Variants in DTNA observed in about 807,000 individuals in gnomAD.
DTNA encodes the protein dystrophin-related protein 3.
DTNA carries 43 observed loss-of-function variants against 100.7 expected under a neutral mutation model. That is an observed-to-expected ratio of 0.43 (90% CI 0.33 to 0.55). The LOEUF (loss-of-function observed/expected upper bound fraction) is 0.55. Among genes scored for constraint, DTNA ranks in the 20% least tolerant of loss-of-function variants. The pLI is 0.04. For missense variants in DTNA, 798 were observed against 953.9 expected, an observed-to-expected ratio of 0.84 and a Z score of 2.15; for synonymous variants, 349 against 347.9, an observed-to-expected ratio of 1.00 and a Z score of -0.04.
At chr18:34,732,557 T>A (rs1168812631) in intron 1 of DTNA, among the ~76,000 whole-genome samples, 1 of 152,196 alleles carries the variant, frequency 6.6e-6, no homozygotes, top group Non-Finnish European at 1.5e-5. Flanking sequence ...TGAGAGCACC[T>A]CCCTGCTTAC....
At chr18:34,756,763 CATTTTTCTTATTCATA>C (rs147976342) in intron 2 of DTNA, among the ~76,000 whole-genome samples, 1,929 of 152,184 alleles carry the variant, frequency 0.013, 47 homozygotes, top group African/African-American at 0.044. Context: ...CCTTGTAGAC[CATTTTTCTTATTCATA>C]AAGAAAAAGA....
intron 1 of DTNA, among the ~76,000 whole-genome samples, chr18:34,575,026 A>G (rs574952293): frequency 6.6e-5 from 10 of 152,336 alleles, no homozygotes; most frequent in Non-Finnish European, 1.3e-4. Flanking sequence ...TAGTACAACA[A>G]CGTAGAAATA....
At chr18:34,599,379 C>A (rs147315518) in intron 1 of DTNA, among the ~76,000 whole-genome samples, 1 of 152,132 alleles carries the variant, frequency 6.6e-6, no homozygotes, top group East Asian at 1.9e-4. Context: ...GATTTCTAAT[C>A]ATAACTTCCA....
At chr18:34,626,960 A>T (rs748394511) in intron 1 of DTNA, among the ~76,000 whole-genome samples, 1 of 151,982 alleles carries the variant, frequency 6.6e-6, no homozygotes, top group Non-Finnish European at 1.5e-5. Flanking sequence ...ATGTGGACTC[A>T]CATGCTCCTG....
At chr18:34,818,666 C>T (rs2095645507) in intron 8 of DTNA, 1 of 1,130,858 alleles carries the variant, frequency 8.8e-7, no homozygotes, top group Non-Finnish European at 1.1e-6. Flanking sequence ...AAATCTTTTC[C>T]AAGTTTTGTT....
At position 34,595,714 on chromosome 18, in the gene DTNA, A is replaced by G. The variant is rs543475399; in HGVS notation, c.-2+102200A>G. On this transcript the variant is annotated intron_variant, in intron 1 of 19. Transcript: ENST00000283365. ...ATCTTTGACTCTATGCTGGAAATGT[A>G]TTTTTAAAATTACATTATAATTAAA... is the stretch of plus-strand genomic sequence containing the variant. Among the ~76,000 whole-genome samples, 7 of 152,310 alleles carry G rather than the reference A, an allele frequency of 4.6e-5. No homozygotes were observed. The East Asian group carries it at 7.7e-4, about 17-fold the overall frequency.
At chr18:34,539,827 A>T (rs2044077254) in intron 1 of DTNA, among the ~76,000 whole-genome samples, 1 of 151,966 alleles carries the variant, frequency 6.6e-6, no homozygotes, top group African/African-American at 2.4e-5. Flanking sequence ...GTTGCAATAT[A>T]TAAGCACTAG....
intron 1 of DTNA, among the ~76,000 whole-genome samples, chr18:34,520,623 C>T (rs1273422887): frequency 6.6e-6 from 1 of 152,082 alleles, no homozygotes; most frequent in Non-Finnish European, 1.5e-5. Flanking sequence ...CATTGCACTC[C>T]AGCCTGGGCA....
chr18:34,667,070 C>G (rs2144815079), intron 1 of DTNA, among the ~76,000 whole-genome samples: 1 of 152,240 alleles, frequency 6.6e-6, no homozygotes, highest in South Asian at 2.1e-4. Context: ...GAATGTTCTT[C>G]CATTTGTTTG....
chr18:34,710,635 T>C (rs2146465379), intron 1 of DTNA, among the ~76,000 whole-genome samples, 190 bp downstream of exon 1: 1 of 151,860 alleles, frequency 6.6e-6, no homozygotes, highest in East Asian at 1.9e-4. Flanking sequence ...TCTAAGATGT[T>C]GTGAAATGTT....
Position 34,551,611 on chromosome 18 carries a change from C to G in DTNA, c.-2+58097C>G, listed in dbSNP as rs536305321. Among the ~76,000 whole-genome samples the G allele has an allele frequency of 9.2e-5, 14 of 152,246 alleles. No individual in the cohort carries two copies. The East Asian group carries it at 2.7e-3, about 30-fold the overall frequency. ...CATTGTTCCTCAGAGGCTGAGGTCCCTAGCAGCCTGTCTTCATCTCTCCAG... is the reference window on the plus strand; with the variant it reads ...CATTGTTCCTCAGAGGCTGAGGTCCGTAGCAGCCTGTCTTCATCTCTCCAG... On this transcript the variant is annotated intron_variant, in intron 1 of 19. Transcript: ENST00000283365.
At chr18:34,678,646 T>C (rs966453058) in intron 1 of DTNA, among the ~76,000 whole-genome samples, 3 of 151,718 alleles carry the variant, frequency 2.0e-5, no homozygotes, top group African/African-American at 7.3e-5. Flanking sequence ...GAAGAAAGGG[T>C]GAGGAGGAAG....
chr18:34,596,945 T>G (rs544912700), intron 1 of DTNA, among the ~76,000 whole-genome samples: 117 of 152,226 alleles, frequency 7.7e-4, no homozygotes, highest in African/African-American at 2.6e-3. Context: ...GGTGGTTTGC[T>G]GCACCCGTCA....
chr18:34,843,192 T>A (rs1294021767), intron 13 of DTNA, among the ~76,000 whole-genome samples: 2 of 152,088 alleles, frequency 1.3e-5, no homozygotes, highest in East Asian at 3.9e-4. Flanking sequence ...AATTGAACAT[T>A]TAGTATAGGA....
chr18:34,602,568 T>C (rs1486463541), intron 1 of DTNA, among the ~76,000 whole-genome samples: 2 of 152,088 alleles, frequency 1.3e-5, no homozygotes, highest in Non-Finnish European at 2.9e-5. Flanking sequence ...CACACTTTGG[T>C]AATTCTGGTT....
intron 1 of DTNA, among the ~76,000 whole-genome samples, chr18:34,558,620 G>A (rs546625217): frequency 1.3e-5 from 2 of 152,298 alleles, no homozygotes; most frequent in Non-Finnish European, 2.9e-5. Context: ...TTGAAGAGAA[G>A]AGAAAGTGAT....
chr18:34,611,776 A>G (rs2054258463), intron 1 of DTNA, among the ~76,000 whole-genome samples: 1 of 152,114 alleles, frequency 6.6e-6, no homozygotes, highest in African/African-American at 2.4e-5. Context: ...TCACTGAAAA[A>G]TAAGTGAGAT....
intron 1 of DTNA, among the ~76,000 whole-genome samples, chr18:34,747,650 A>T: frequency 6.6e-6 from 1 of 152,264 alleles, no homozygotes; most frequent in East Asian, 1.9e-4. Flanking sequence ...AGCTCCAGCC[A>T]TGTTGCTCCA....
intron 1 of DTNA, among the ~76,000 whole-genome samples, chr18:34,684,303 C>G (rs1447992376): frequency 6.6e-6 from 1 of 152,118 alleles, no homozygotes; most frequent in Non-Finnish European, 1.5e-5. Flanking sequence ...CCCCTTGCCC[C>G]CCATCCCGCA....
Sources: gnomAD v4.1 joint callset for allele counts (sites outside exome capture counted in the v4.1 genomes callset) on GRCh38, gnomAD v4.1.1 for gene constraint, MANE v1.5 for transcripts, NCBI Gene and HGNC (gene_info 2026-07-23, HGNC 2026-07-21) for gene names.